COLEC12: variants seen among roughly 807,000 people sequenced by gnomAD.
The protein encoded by COLEC12 is collectin subfamily member 12, also known as collectin-12.
COLEC12 carries 33 observed loss-of-function variants against 71.1 expected under a neutral mutation model. The observed-to-expected ratio is 0.46, with a 90% confidence interval of 0.35 to 0.62. COLEC12 has a LOEUF of 0.62. Ranked by LOEUF, COLEC12 falls within the 20% of genes least tolerant of loss-of-function variation. COLEC12 has a pLI of 0.00. For missense variants in COLEC12, 765 were observed against 916.1 expected, an observed-to-expected ratio of 0.84 and a Z score of 2.13; for synonymous variants, 350 against 353.0, an observed-to-expected ratio of 0.99 and a Z score of 0.10.
Position 346,433 on chromosome 18 carries a change from C to G in COLEC12, c.1189G>C (p.Val397Leu), listed in dbSNP as rs766928724. The G allele has an allele frequency of 3.1e-6, 5 of 1,613,992 alleles. No individual in the cohort carries two copies. Among genetic ancestry groups the G allele is most frequent in the Admixed American group, 3.3e-5 (2 of 59,986 alleles). The change falls in exon 5 of 10, where the codon GTT becomes CTT. Residue 397 changes from valine (V) to leucine (L), a missense_variant. By Grantham distance (32) the Val-to-Leu change is conservative (BLOSUM62 1). Coordinates refer to ENST00000400256, the MANE Select transcript of COLEC12 (RefSeq NM_130386.3). This position sits in a 1 kb window ranked among gnomAD's most constrained non-coding sequence, Gnocchi z 4.0. ...NTLANIRLDS[V>L]SLRMQQDLMR... ...AAATCTTGTTGCATCCTGAGAGAAA[C>G]AGAATCCAAACGGATGTTGGCCAGG...
At chr18:418,399 A>G (rs932145271) in intron 2 of COLEC12, among the ~76,000 whole-genome samples, 9 of 152,208 alleles carry the variant, frequency 5.9e-5, no homozygotes, top group African/African-American at 1.9e-4. Flanking sequence ...GGAAACTATC[A>G]GTGAAAGTAC....
intron 2 of COLEC12, among the ~76,000 whole-genome samples, chr18:387,387 C>T (rs892967285): frequency 1.2e-4 from 18 of 152,060 alleles, no homozygotes; most frequent in African/African-American, 3.6e-4. Context: ...AGCCTTTTCC[C>T]TTTTCTTTAT....
At chr18:338,166 T>C (rs150934123) in intron 5 of COLEC12, among the ~76,000 whole-genome samples, 1 of 152,300 alleles carries the variant, frequency 6.6e-6, no homozygotes, top group Non-Finnish European at 1.5e-5. Flanking sequence ...TCTGCCCATG[T>C]CCTTCTGCAA....
intron 8 of COLEC12, among the ~76,000 whole-genome samples, chr18:330,331 C>T (rs1598327046): frequency 6.6e-6 from 1 of 152,070 alleles, no homozygotes; most frequent in African/African-American, 2.4e-5. Flanking sequence ...CTGAAACACC[C>T]TTGTTTTCTC....
At position 441,117 on chromosome 18, in the gene COLEC12, G is replaced by A. The variant is rs1339030348; in HGVS notation, c.58+39590C>T. The stretch of plus-strand genomic sequence containing the variant: ...CAAAAAATTGGCCAGGCGTGGTGGC[G>A]GGCGCCTGTAGTCCCAGCTGCTGGG... On this transcript the variant is annotated intron_variant, in intron 2 of 9. Coordinates refer to ENST00000400256, the MANE Select transcript of COLEC12 (RefSeq NM_130386.3). Among the ~76,000 whole-genome samples the A allele has an allele frequency of 1.2e-3, 61 of 51,448 alleles. 4 individuals are homozygous for A. The highest frequency in any genetic ancestry group is 2.7e-3 in the Admixed American group (11 of 4,040). The allele number at this position is 51,448 out of a possible 152,430, so 33.8% of individuals were successfully genotyped here.
chr18:449,704 T>C (rs1233309941), intron 2 of COLEC12, among the ~76,000 whole-genome samples: 1 of 152,038 alleles, frequency 6.6e-6, no homozygotes, highest in Non-Finnish European at 1.5e-5. Context: ...CCGGGCGGAG[T>C]CTGCTTACAG....
chr18:447,853 A>G (rs777348272), intron 2 of COLEC12, among the ~76,000 whole-genome samples: 2 of 152,228 alleles, frequency 1.3e-5, no homozygotes, highest in Non-Finnish European at 2.9e-5. Context: ...TATATCAAGA[A>G]TATAATCATA....
Position 335,032 on chromosome 18 carries a change from C to G in COLEC12, c.1526G>C (p.Gly509Ala). The G allele has an allele frequency of 3.1e-6, 5 of 1,595,442 alleles. No homozygotes were observed. Among genetic ancestry groups the G allele is most frequent in the Non-Finnish European group, 4.3e-6 (5 of 1,174,170 alleles). Reference protein sequence around the residue: ...KGSKGSQGPKGSRGSPGKPGP... With the variant: ...KGSKGSQGPKASRGSPGKPGP... ...GGGCTTCCCAGGGGAACCACGGGAG[C>G]CTTTGGGGCCCTGGGAGCCTTTAGA... is the stretch of plus-strand genomic sequence containing the variant. Residue 509 changes from glycine (G) to alanine (A), a missense_variant, in exon 6 of 10, where the codon GGC (glycine) becomes GCC (alanine). Gly to Ala is a moderately conservative substitution (Grantham distance 60). Coordinates refer to ENST00000400256, the MANE Select transcript of COLEC12 (RefSeq NM_130386.3).
chr18:411,925 G>A (rs1411315447), intron 2 of COLEC12, among the ~76,000 whole-genome samples: 4 of 152,292 alleles, frequency 2.6e-5, no homozygotes, highest in African/African-American at 7.2e-5. Flanking sequence ...ATAACAGAGC[G>A]AATATAGATT....
intron 2 of COLEC12, among the ~76,000 whole-genome samples, chr18:376,854 A>C (rs1915125586): frequency 6.6e-6 from 1 of 152,202 alleles, no homozygotes; most frequent in Admixed American, 6.5e-5. Flanking sequence ...ATTATCATGA[A>C]ATTAGATGGC....
rs560138634 is a variant in COLEC12, at chr18:423,190, G to C, written c.58+57517C>G. Among the ~76,000 whole-genome samples the C allele has an allele frequency of 3.3e-5, 5 of 152,230 alleles. No homozygotes were observed. The South Asian group carries it at 1.0e-3, about 32-fold the overall frequency. ...AAGATGAGGTGGGAGGACTGCTTGA[G>C]CCCAGGAAGTCAAGGCTGCAGTGAG... On this transcript the variant is annotated intron_variant, in intron 2 of 9. Transcript: ENST00000400256.
intron 2 of COLEC12, among the ~76,000 whole-genome samples, chr18:427,960 G>C (rs1229479262): frequency 1.3e-5 from 2 of 152,120 alleles, no homozygotes; most frequent in Admixed American, 6.6e-5. Context: ...TCCCAGGGAA[G>C]TCCTACCTAA....
intron 2 of COLEC12, among the ~76,000 whole-genome samples, chr18:380,168 C>G (rs547419742): frequency 8.5e-5 from 13 of 152,164 alleles, no homozygotes; most frequent in Non-Finnish European, 1.8e-4. Flanking sequence ...CATATGAGGC[C>G]TTCATGATGG....
At chr18:467,284 T>C (rs1343678510) in intron 2 of COLEC12, among the ~76,000 whole-genome samples, 1 of 152,068 alleles carries the variant, frequency 6.6e-6, no homozygotes, top group Admixed American at 6.6e-5. Context: ...ATATATGTGC[T>C]CCCACTTTAC....
At chr18:469,124 G>C (rs1365328082) in intron 2 of COLEC12, among the ~76,000 whole-genome samples, 1 of 152,230 alleles carries the variant, frequency 6.6e-6, no homozygotes, top group Non-Finnish European at 1.5e-5. Context: ...CAAAGGAAAG[G>C]GACTTCATAC....
chr18:451,342 C>T (rs1916756532), intron 2 of COLEC12, among the ~76,000 whole-genome samples: 1 of 151,956 alleles, frequency 6.6e-6, no homozygotes, highest in African/African-American at 2.4e-5. Flanking sequence ...GGAAGCGGAG[C>T]CCAAAAGTTT....
At chr18:365,640 T>A (rs963664529) in intron 2 of COLEC12, among the ~76,000 whole-genome samples, 2 of 152,128 alleles carry the variant, frequency 1.3e-5, no homozygotes, top group East Asian at 3.9e-4. Context: ...ACAGGAGGGT[T>A]TATCAGATGG....
intron 3 of COLEC12, among the ~76,000 whole-genome samples, chr18:355,971 C>A (rs149078400): frequency 6.6e-6 from 1 of 152,188 alleles, no homozygotes; most frequent in Non-Finnish European, 1.5e-5. Flanking sequence ...ATGGATAGAA[C>A]GACCTGGTAG....
chr18:464,420 T>G (rs894794850), intron 2 of COLEC12, among the ~76,000 whole-genome samples: 9 of 152,228 alleles, frequency 5.9e-5, no homozygotes, highest in African/African-American at 1.7e-4. Context: ...CTAATGCTCC[T>G]CGTTGCTACT....
Sources: allele counts gnomAD v4.1 joint callset (sites outside exome capture counted in the v4.1 genomes callset), GRCh38; gene constraint gnomAD v4.1.1; non-coding constraint Gnocchi (gnomAD v3.1); transcripts MANE v1.5; gene names NCBI Gene and HGNC (gene_info 2026-07-23, HGNC 2026-07-21).